Variants in TEX9 observed in about 807,000 individuals in gnomAD.
The protein encoded by TEX9 is testis expressed 9.
A neutral mutation model predicts 59.6 loss-of-function variants in TEX9; 74 were observed. The ratio of observed to expected loss-of-function variants is 1.24; its 90% CI spans 1.03 to 1.51. The LOEUF is 1.51. Ranked by LOEUF, TEX9 falls within the 40% of genes most tolerant of loss-of-function variation. TEX9 has a pLI of 0.00. For missense variants in TEX9, 522 were observed against 447.8 expected (o/e 1.17, Z -1.49); for synonymous variants, 186 against 152.2 (o/e 1.22, Z -1.64).
intron 12 of TEX9, among the ~76,000 whole-genome samples, chr15:56,438,040 C>T (rs1447304283): frequency 2.6e-5 from 4 of 152,128 alleles, no homozygotes; most frequent in East Asian, 3.8e-4. Flanking sequence ...GCCATACTGC[C>T]CAAGGTAATT....
At chr15:56,412,262 A>T (rs746562094) in intron 9 of TEX9, 40 bp from the exon 10 acceptor site, 1 of 1,549,180 alleles carries the variant, frequency 6.5e-7, no homozygotes, top group African/African-American at 1.4e-5. Flanking sequence ...GGAAACTATG[A>T]TATATTTATA....
chr15:56,330,523 A>G (rs1179646121), intron 1 of TEX9, among the ~76,000 whole-genome samples: 1 of 152,188 alleles, frequency 6.6e-6, no homozygotes, highest in Non-Finnish European at 1.5e-5. Flanking sequence ...AAAAGGTAAA[A>G]AAGTAGAGGA....
chr15:56,395,615 A>G (rs1596175984), intron 9 of TEX9: 1 of 152,134 alleles, frequency 6.6e-6, no homozygotes, highest in Non-Finnish European at 1.5e-5. Flanking sequence ...CCTAATTTCT[A>G]CACATCCTCA....
intron 1 of TEX9, among the ~76,000 whole-genome samples, chr15:56,333,030 A>T (rs1423912914): frequency 6.6e-6 from 1 of 152,232 alleles, no homozygotes; most frequent in Non-Finnish European, 1.5e-5. Flanking sequence ...CATAATAAAA[A>T]GTCTCCCAAC....
downstream of TEX9, among the ~76,000 whole-genome samples, chr15:56,446,688 G>A (rs996209319): frequency 6.6e-6 from 1 of 151,834 alleles, no homozygotes; most frequent in Non-Finnish European, 1.5e-5. Flanking sequence ...AATCACGCAG[G>A]ATTTTCTACA....
chr15:56,294,771 T>C (rs1221217907), intron 1 of TEX9, among the ~76,000 whole-genome samples: 16 of 152,188 alleles, frequency 1.1e-4, no homozygotes, highest in Non-Finnish European at 2.4e-4. Context: ...AAATATAAAT[T>C]GGAATTTGAA....
At chr15:56,308,708 C>T (rs1268867891) in intron 1 of TEX9, among the ~76,000 whole-genome samples, 3 of 152,032 alleles carry the variant, frequency 2.0e-5, no homozygotes, top group Non-Finnish European at 2.9e-5. Flanking sequence ...GCCTATGATT[C>T]ATTTTAAATT....
chr15:56,413,338 TTTAA>T (rs1223031801), intron 10 of TEX9, among the ~76,000 whole-genome samples: 21 of 141,684 alleles, frequency 1.5e-4, no homozygotes, highest in African/African-American at 5.3e-4. Context: ...TAAAACAATA[TTTAA>T]TAATTAAAAC....
downstream of TEX9, chr15:56,447,074 G>A (rs1196485555): frequency 1.6e-6 from 1 of 629,918 alleles, no homozygotes; most frequent in African/African-American, 1.8e-5. Context: ...TAGATCCATA[G>A]GAGAAATAAT....
At chr15:56,414,444 C>G (rs989191629) in intron 10 of TEX9, among the ~76,000 whole-genome samples, 1 of 151,676 alleles carries the variant, frequency 6.6e-6, no homozygotes, top group Admixed American at 6.6e-5. Flanking sequence ...TCTTTGTGTT[C>G]TGTAAGTTCT....
At chr15:56,281,570 G>A (rs975934058) in intron 1 of TEX9, among the ~76,000 whole-genome samples, 9 of 152,238 alleles carry the variant, frequency 5.9e-5, no homozygotes, top group Non-Finnish European at 1.0e-4. Context: ...TCTTAAGTCC[G>A]TGGAAAAATT....
At position 56,444,592 on chromosome 15, in the gene TEX9, G is replaced by A. The variant is rs139643304; in HGVS notation, c.*30-1079G>A. 2.9e-5 allele frequency: 47 copies of A among 1,612,182 alleles called. No individual in the cohort carries two copies. The highest frequency in any genetic ancestry group is 3.6e-5 in the Non-Finnish European group (43 of 1,179,358). ...TAGTACTGTGCTTTCGCTTTGTTTC[G>A]TTTGTCTTCTGCAGCATTCTCTTCC... On this transcript the variant is annotated intron_variant, in intron 12 of 12. Coordinates refer to ENST00000352903, the Ensembl canonical transcript of TEX9.
intron 1 of TEX9, among the ~76,000 whole-genome samples, chr15:56,304,204 A>C (rs1345304423): frequency 6.6e-6 from 1 of 152,152 alleles, no homozygotes; most frequent in Admixed American, 6.5e-5. Flanking sequence ...GGATATTTTG[A>C]CTTCTTCCTT....
In TEX9 at chr15:56,431,527, A is replaced by G. The variant is rs538324557; in HGVS notation, c.*29+3054A>G. 4.3e-6 allele frequency: 7 copies of G among 1,612,190 alleles called. No individual in the cohort carries two copies. In the African/African-American group the frequency reaches 9.3e-5, roughly 22 times the overall value. On this transcript the variant is annotated intron_variant, in intron 12 of 12. Coordinates refer to ENST00000352903, the Ensembl canonical transcript of TEX9. The stretch of plus-strand genomic sequence containing the variant: ...GAAATGCAGATCAAATTTTGTTATC[A>G]CAAAGTACATTAATCTTATACGAAG...
intron 3 of TEX9, among the ~76,000 whole-genome samples, chr15:56,377,069 A>G (rs1315859750): frequency 1.3e-5 from 2 of 152,030 alleles, no homozygotes; most frequent in Non-Finnish European, 2.9e-5. Context: ...CTGTAGGTAT[A>G]TGGATTTGTT....
chr15:56,291,706 T>C (rs1422522718), intron 1 of TEX9, among the ~76,000 whole-genome samples: 2 of 152,038 alleles, frequency 1.3e-5, no homozygotes, highest in Non-Finnish European at 2.9e-5. Flanking sequence ...ATTTCCCCAC[T>C]CCCCCCAACT....
At chr15:56,412,524 ATTC>A in intron 10 of TEX9, 88 bp downstream of exon 10, 1 of 1,336,440 alleles carries the variant, frequency 7.5e-7, no homozygotes, top group South Asian at 1.5e-5. Context: ...TTAAATTATA[ATTC>A]TTGATGTCAT....
chr15:56,434,369 CT>C, intron 12 of TEX9: 1 of 1,612,352 alleles, frequency 6.2e-7, no homozygotes, highest in East Asian at 2.2e-5. Flanking sequence ...TCTCTTTTTG[CT>C]TTCTCAATTT....
chr15:56,405,941 A>T (rs183283074), intron 9 of TEX9, among the ~76,000 whole-genome samples: 10 of 152,330 alleles, frequency 6.6e-5, no homozygotes, highest in African/African-American at 2.4e-4. Context: ...ATTTCTTTAA[A>T]ATCAACTTTA....
Sources: gnomAD v4.1 joint callset for allele counts (sites outside exome capture counted in the v4.1 genomes callset) on GRCh38, gnomAD v4.1.1 for gene constraint, MANE v1.5 for transcripts, NCBI Gene and HGNC (gene_info 2026-07-23, HGNC 2026-07-21) for gene names.